AQP7: variants seen among roughly 807,000 people sequenced by gnomAD.
The protein encoded by AQP7 is aquaporin 7.
Under a neutral mutation model 26.1 loss-of-function variants are expected in AQP7, and 22 were observed. The ratio of observed to expected loss-of-function variants is 0.84; its 90% CI spans 0.60 to 1.20. AQP7 has a LOEUF of 1.20. AQP7 is among the 50% of genes most tolerant of loss of function. The pLI is 0.00. For synonymous variants in AQP7, 167 were observed against 181.7 expected, an observed-to-expected ratio of 0.92 and a Z score of 0.65; for missense variants, 412 against 457.5, an observed-to-expected ratio of 0.90 and a Z score of 0.91.
intron 3 of AQP7, 106 bp downstream of exon 3, chr9:33,394,972 C>G: frequency 1.0e-6 from 1 of 1,002,270 alleles, no homozygotes; most frequent in Non-Finnish European, 1.5e-6. Flanking sequence ...AGGCTCCCAG[C>G]TCAGAGGCAA....
intron 2 of AQP7, among the ~76,000 whole-genome samples, chr9:33,400,209 G>C (rs1233720488): frequency 6.6e-6 from 1 of 152,164 alleles, no homozygotes; most frequent in Non-Finnish European, 1.5e-5. Flanking sequence ...GCGTGGAGCT[G>C]ACAGCAATGA....
Position 33,385,854 on chromosome 9 carries a change from C to T in AQP7, c.538G>A (p.Gly180Arg), listed in dbSNP as rs202183465. The stretch of plus-strand genomic sequence containing the variant: ...GCGAAGAGACACAGCTGGAGCATCC[C>T]GGTCAGCCACGCCTGAGGAGCAGAT... ...RGFLNEAWLTGMLQLCLFAIT... is the reference protein window; with the variant it reads ...RGFLNEAWLTRMLQLCLFAIT... Residue 180 changes from glycine (G) to arginine (R), a missense_variant, in exon 7 of 8, where the codon GGG becomes AGG. Gly to Arg is a moderately radical substitution (Grantham distance 125, BLOSUM62 -2). Transcript: ENST00000297988. 1.9e-5 allele frequency: 30 copies of T among 1,608,422 alleles called. No individual in the cohort carries two copies. The highest frequency in any genetic ancestry group is 1.8e-4 in the Admixed American group (11 of 59,958).
intron 3 of AQP7, among the ~76,000 whole-genome samples, chr9:33,389,014 A>G (rs1010027079): frequency 7.3e-6 from 1 of 136,378 alleles, no homozygotes; most frequent in Non-Finnish European, 1.5e-5. Flanking sequence ...GTGCCTCGGC[A>G]CCCAGCCAAT....
chr9:33,385,702 G>T lies in AQP7; in HGVS notation c.690C>A (p.Asp230Glu), dbSNP rs757823924. The T allele has an allele frequency of 1.2e-6, 2 of 1,613,976 alleles. No individual in the cohort carries two copies. Among genetic ancestry groups the T allele is most frequent in the Non-Finnish European group, 1.7e-6 (2 of 1,180,042 alleles). Reference protein sequence around the residue: ...NTGYAINPSRDLPPRIFTFIA... With the variant: ...NTGYAINPSRELPPRIFTFIA... ...TGAAGGTGAAGATGCGGGGGGGCAG[G>T]TCCCGGGACGGGTTGATGGCATATC... Residue 230 changes from aspartate to glutamate, a missense_variant, in exon 7 of 8, where the codon GAC (aspartate) becomes GAA (glutamate). By Grantham distance (45) the Asp-to-Glu change is conservative. Coordinates refer to ENST00000297988, the MANE Select transcript of AQP7 (RefSeq NM_001170.3).
intron 7 of AQP7, 179 bp from the exon 8 acceptor site, chr9:33,385,469 C>T: frequency 7.1e-6 from 7 of 985,310 alleles, no homozygotes; most frequent in Non-Finnish European, 9.0e-6. Context: ...ACACTCAGTG[C>T]AGGTGCAGGA....
chr9:33,398,360 G>A (rs1826001080), intron 2 of AQP7, among the ~76,000 whole-genome samples: 1 of 151,794 alleles, frequency 6.6e-6, no homozygotes, highest in South Asian at 2.1e-4. Context: ...AGAGGGCCAT[G>A]GGCCAAGTGG....
chr9:33,387,557 C>T (rs983448557), intron 3 of AQP7, among the ~76,000 whole-genome samples: 8 of 152,058 alleles, frequency 5.3e-5, no homozygotes, highest in Non-Finnish European at 7.4e-5. Flanking sequence ...CACACTCCAC[C>T]GCAATTCCCA....
chr9:33,392,130 A>T (rs1825464882), intron 3 of AQP7, among the ~76,000 whole-genome samples: 2 of 152,120 alleles, frequency 1.3e-5, no homozygotes, highest in Non-Finnish European at 2.9e-5. Context: ...CCTTGACAAC[A>T]TGGTGAAACC....
chr9:33,385,167 A>G lies in AQP7; in HGVS notation c.867T>C (p.Asp289=), dbSNP rs3569. The change falls in exon 8 of 8, where the codon GAT becomes GAC. Residue 289 remains aspartate, a synonymous_variant. Transcript: ENST00000297988. ...TCCCGTGGTCTTCATACGCCACAGA[A>G]TCCTCCAATTTCAGGGGCTCCCGTG... ...TIPREPLKLE[D]SVAYEDHGIT... 25 of 1,611,922 alleles carry G rather than the reference A, an allele frequency of 1.6e-5. No individual in the cohort carries two copies. In the South Asian group the frequency reaches 2.7e-4, roughly 18 times the overall value.
At position 33,395,178 on chromosome 9, in the gene AQP7, T is replaced by C; in HGVS notation, c.44A>G (p.Lys15Arg). ...TGCTATCACGGACCAGGAGACCATT[T>C]TGGAGCCACGGGTGGACCTAAGACA... ...SGHRRSTRGS[K>R]MVSWSVIAKI... Residue 15 changes from lysine to arginine, a missense_variant, in exon 3 of 8, where the codon AAA (lysine) becomes AGA (arginine). Transcript: ENST00000297988. The C allele has an allele frequency of 6.2e-7, 1 of 1,613,974 alleles. No individual in the cohort carries two copies. The highest frequency in any genetic ancestry group is 8.5e-7 in the Non-Finnish European group (1 of 1,179,860).
chr9:33,390,020 T>G (rs1158187906), intron 3 of AQP7, among the ~76,000 whole-genome samples: 1 of 120,078 alleles, frequency 8.3e-6, no homozygotes, highest in Non-Finnish European at 1.6e-5. Flanking sequence ...AGAGCAAGAC[T>G]CCGTCTCAAA....
At position 33,386,119 on chromosome 9, in the gene AQP7, G is replaced by A. The variant is rs1172007109; in HGVS notation, c.483C>T (p.Tyr161=). The change falls in exon 6 of 8, where the codon TAC becomes TAT. Residue 161 remains tyrosine, a synonymous_variant. Transcript: ENST00000297988. ...GCCACAATGTCATGTGATCAGGAAGGTAGGTGGCAAAAATGCCAGCTGTAG... is the reference window on the plus strand; with the variant it reads ...GCCACAATGTCATGTGATCAGGAAGATAGGTGGCAAAAATGCCAGCTGTAG... ...PVATAGIFAT[Y]LPDHMTLWRG... 19 of 1,613,952 alleles carry A rather than the reference G, an allele frequency of 1.2e-5. No individual in the cohort carries two copies. Among genetic ancestry groups the A allele is most frequent in the Non-Finnish European group, 1.6e-5 (19 of 1,179,872 alleles).
chr9:33,389,889 G>T (rs1490956474), intron 3 of AQP7, among the ~76,000 whole-genome samples: 2 of 152,240 alleles, frequency 1.3e-5, no homozygotes, highest in East Asian at 3.9e-4. Context: ...TTAGCCAGGT[G>T]TGGTGGCGCT....
chr9:33,398,028 T>C (rs1019552357), intron 2 of AQP7, among the ~76,000 whole-genome samples: 6 of 152,176 alleles, frequency 3.9e-5, no homozygotes, highest in African/African-American at 1.4e-4. Flanking sequence ...TGCAGTGTGA[T>C]GAGCACTGCC....
intron 3 of AQP7, 51 bp downstream of exon 3, chr9:33,395,027 A>G (rs745850826): frequency 4.0e-6 from 6 of 1,513,852 alleles, no homozygotes; most frequent in Non-Finnish European, 5.5e-6. Context: ...GGAGGGGGTC[A>G]TGGACGGCCC....
rs1276571941 is a variant in AQP7, at chr9:33,384,754, C to T, written c.*251G>A. On this transcript the variant is annotated 3_prime_UTR_variant, in exon 8 of 8. Transcript: ENST00000297988. ...AAAATCCCTCATTCTGTCGTTCTTT[C>T]ATCTCACCCTGTTCCTACTGAGGGC... 2 of 413,704 alleles carry T rather than the reference C, an allele frequency of 4.8e-6. No homozygotes were observed. The highest frequency in any genetic ancestry group is 8.5e-6 in the Non-Finnish European group (2 of 234,218). 25.6% of individuals were successfully genotyped at this position (413,704 alleles called of 1,614,324 possible).
chr9:33,390,027 CAAAAAAAA>C (rs778333672), intron 3 of AQP7, among the ~76,000 whole-genome samples: 3 of 78,628 alleles, frequency 3.8e-5, no homozygotes, highest in Admixed American at 2.7e-4. Context: ...GACTCCGTCT[CAAAAAAAA>C]AAAAAAAAAA....
At chr9:33,392,043 G>A (rs886918082) in intron 3 of AQP7, among the ~76,000 whole-genome samples, 8 of 152,320 alleles carry the variant, frequency 5.3e-5, no homozygotes, top group Non-Finnish European at 7.3e-5. Context: ...GCCGGGCACG[G>A]TGACTCATGC....
chr9:33,385,847 A>T lies in AQP7; in HGVS notation c.545T>A (p.Leu182His). The stretch of plus-strand genomic sequence containing the variant: ...CGTGATGGCGAAGAGACACAGCTGG[A>T]GCATCCCGGTCAGCCACGCCTGAGG... Reference protein sequence around the residue: ...FLNEAWLTGMLQLCLFAITDQ... With the variant: ...FLNEAWLTGMHQLCLFAITDQ... Residue 182 changes from leucine (L) to histidine (H), a missense_variant, in exon 7 of 8, where the codon CTC (leucine) becomes CAC (histidine). By Grantham distance (99) the Leu-to-His change is moderately conservative. Transcript: ENST00000297988. The T allele has an allele frequency of 6.2e-7, 1 of 1,609,770 alleles. No homozygotes were observed. The highest frequency in any genetic ancestry group is 1.7e-5 in the Admixed American group (1 of 59,994).
Sources: allele counts gnomAD v4.1 joint callset (sites outside exome capture counted in the v4.1 genomes callset), GRCh38; gene constraint gnomAD v4.1.1; transcripts MANE v1.5; gene names NCBI Gene and HGNC (gene_info 2026-07-23, HGNC 2026-07-21).